The following USH2A variants were observed in gnomAD, a reference collection of about 807,000 sequenced individuals.
USH2A encodes Usher syndrome 2A (autosomal recessive, mild).
A neutral mutation model predicts 538.9 loss-of-function variants in USH2A; 443 were observed. The ratio of observed to expected loss-of-function variants is 0.82; its 90% confidence interval spans 0.76 to 0.89. The LOEUF is 0.89. Among genes scored for constraint, USH2A ranks in the 40% least tolerant of loss-of-function variants. The probability of loss-of-function intolerance (pLI) is 0.00; values close to 1 mark genes in which losing one functional copy is unlikely to be tolerated. For synonymous variants in USH2A, 2,413 were observed against 2,273.5 expected, an observed-to-expected ratio of 1.06 and a Z score of -1.75; for missense variants, 6,633 against 6,324.8, an observed-to-expected ratio of 1.05 and a Z score of -1.65.
intron 22 of USH2A, among the ~76,000 whole-genome samples, chr1:216,096,765 A>G (rs1303607845): frequency 6.6e-6 from 1 of 152,164 alleles, no homozygotes. Flanking sequence ...ATTTTTTGCT[A>G]CTAAGAAAAA....
intron 15 of USH2A, among the ~76,000 whole-genome samples, chr1:216,211,344 CT>C (rs1007835126): frequency 6.6e-6 from 1 of 152,098 alleles, no homozygotes; most frequent in Non-Finnish European, 1.5e-5. Context: ...GGACTGACCC[CT>C]CACCCGTGGA....
intron 17 of USH2A, 106 bp downstream of exon 17, chr1:216,199,521 G>A: frequency 2.7e-6 from 4 of 1,482,930 alleles, no homozygotes; most frequent in Non-Finnish European, 3.8e-6. Flanking sequence ...ATTATATTGT[G>A]CAGTTATAAA....
intron 3 of USH2A, among the ~76,000 whole-genome samples, chr1:216,413,842 C>T (rs1398238097): frequency 2.0e-5 from 3 of 152,016 alleles, no homozygotes; most frequent in Non-Finnish European, 4.4e-5. Flanking sequence ...TGCAATTCTG[C>T]ATAATTACTA....
At chr1:215,650,840 A>G (rs772325458) in intron 64 of USH2A, 39 bp from the exon 65 acceptor site, 1 of 1,533,608 alleles carries the variant, frequency 6.5e-7, no homozygotes, top group Non-Finnish European at 8.9e-7. Flanking sequence ...AAAGCAAGAT[A>G]CCCTAAGGCT....
intron 11 of USH2A, among the ~76,000 whole-genome samples, chr1:216,272,632 C>T (rs1365599444): frequency 6.6e-6 from 1 of 152,110 alleles, no homozygotes; most frequent in Non-Finnish European, 1.5e-5. Flanking sequence ...CATCCCTGCT[C>T]ATTTTTAGTT....
chr1:216,080,695 A>C (rs997919805), intron 26 of USH2A, among the ~76,000 whole-genome samples: 1 of 151,600 alleles, frequency 6.6e-6, no homozygotes, highest in Non-Finnish European at 1.5e-5. Flanking sequence ...TTGAGAGGGA[A>C]CAGTTGAACA....
chr1:216,265,899 A>T (rs1345917087), intron 11 of USH2A, among the ~76,000 whole-genome samples: 1 of 152,124 alleles, frequency 6.6e-6, no homozygotes, highest in Non-Finnish European at 1.5e-5. Flanking sequence ...TCTTGGAAGG[A>T]TAGCAGGGAG....
Position 215,625,597 on chromosome 1 carries a change from G to A in USH2A, c.*184C>T. 1.6e-6 allele frequency: 1 copy of A among 642,036 alleles called. No individual in the cohort carries two copies. Among genetic ancestry groups the A allele is most frequent in the South Asian group, 1.9e-5 (1 of 53,726 alleles). The allele number at this position is 642,036 out of a possible 1,614,324, so 39.8% of individuals were successfully genotyped here. On this transcript the variant is annotated 3_prime_UTR_variant, in exon 72 of 72. Coordinates refer to ENST00000307340, the MANE Select transcript of USH2A (RefSeq NM_206933.4). ...GAATATTCTCTCTCATTTAAGATGA[G>A]AAAAATATCATTTCTTAGACCTCTA...
At chr1:216,047,454 G>A (rs2102525716) in intron 31 of USH2A, among the ~76,000 whole-genome samples, 1 of 152,242 alleles carries the variant, frequency 6.6e-6, no homozygotes, top group African/African-American at 2.4e-5. Flanking sequence ...ATTACCAGTA[G>A]ACCAGATGGA....
At chr1:215,703,272 T>G (rs557933985) in intron 61 of USH2A, among the ~76,000 whole-genome samples, 1 of 152,192 alleles carries the variant, frequency 6.6e-6, no homozygotes, top group Non-Finnish European at 1.5e-5. Flanking sequence ...TGGGTCTCCC[T>G]TTCAGAAGAC....
intron 38 of USH2A, among the ~76,000 whole-genome samples, chr1:215,933,528 T>C (rs1666413859): frequency 6.6e-6 from 1 of 152,044 alleles, no homozygotes; most frequent in South Asian, 2.1e-4. Flanking sequence ...TTAATTTTAA[T>C]AATGGCATAA....
chr1:216,174,016 C>T, intron 21 of USH2A: 1 of 985,198 alleles, frequency 1.0e-6, no homozygotes, highest in Non-Finnish European at 1.2e-6. Flanking sequence ...TTCTAATACT[C>T]TGCAATGATT....
chr1:215,938,032 T>C (rs1463929958), intron 37 of USH2A, among the ~76,000 whole-genome samples: 2 of 152,086 alleles, frequency 1.3e-5, no homozygotes, highest in Admixed American at 1.3e-4. Flanking sequence ...CATTAATACA[T>C]GGTAATTATA....
At chr1:216,341,843 A>G (rs2038082598) in intron 4 of USH2A, among the ~76,000 whole-genome samples, 1 of 152,174 alleles carries the variant, frequency 6.6e-6, no homozygotes, top group South Asian at 2.1e-4. Flanking sequence ...ACAAAAATTG[A>G]CTCAAGATGG....
At chr1:216,231,233 CAT>C (rs370102534) in intron 14 of USH2A, among the ~76,000 whole-genome samples, 1,733 of 49,354 alleles carry the variant, frequency 0.035, 156 homozygotes, top group African/African-American at 0.12. Flanking sequence ...ACATATATCC[CAT>C]ATATATATAT....
intron 61 of USH2A, among the ~76,000 whole-genome samples, chr1:215,694,917 T>C (rs1446754188): frequency 6.6e-6 from 1 of 152,200 alleles, no homozygotes; most frequent in Non-Finnish European, 1.5e-5. Flanking sequence ...TCATACTTAA[T>C]GATAAAACTT....
At chr1:216,379,339 T>C (rs1300030845) in intron 3 of USH2A, among the ~76,000 whole-genome samples, 1 of 152,192 alleles carries the variant, frequency 6.6e-6, no homozygotes, top group East Asian at 1.9e-4. Context: ...CTTCTAAGGA[T>C]TTGAGTAAAA....
intron 21 of USH2A, among the ~76,000 whole-genome samples, chr1:216,163,165 A>G (rs1233902345): frequency 6.6e-6 from 1 of 151,818 alleles, no homozygotes; most frequent in Non-Finnish European, 1.5e-5. Flanking sequence ...CCCAACTTAC[A>G]TTGTTGCATA....
intron 2 of USH2A, 116 bp from the exon 3 acceptor site, chr1:216,418,795 TACTA>T: frequency 9.7e-7 from 1 of 1,035,762 alleles, no homozygotes. Flanking sequence ...CAAAATGGTG[TACTA>T]TGAATAAGTG....
Sources: gnomAD v4.1 joint callset for allele counts (sites outside exome capture counted in the v4.1 genomes callset) on GRCh38, gnomAD v4.1.1 for gene constraint, MANE v1.5 for transcripts, NCBI Gene and HGNC (gene_info 2026-07-23, HGNC 2026-07-21) for gene names.